Variants in KANK1 observed in about 807,000 individuals in gnomAD.
KANK1 encodes KN motif and ankyrin repeat domain-containing protein 1.
In KANK1, 109 loss-of-function variants were observed where a neutral mutation model predicts 106.2. That is an observed-to-expected ratio of 1.03 (90% CI 0.88 to 1.20). The LOEUF is 1.20. Ranked by LOEUF, KANK1 falls within the 50% of genes most tolerant of loss-of-function variation. The pLI, the probability that KANK1 is intolerant of heterozygous loss-of-function variation, is 0.00. For synonymous variants in KANK1, 873 were observed against 652.2 expected (o/e 1.34, Z -5.16); for missense variants, 2,399 against 1,710.7 (o/e 1.40, Z -7.10).
chr9:560,040 C>G (rs1378561693), intron 1 of KANK1, among the ~76,000 whole-genome samples: 1 of 152,158 alleles, frequency 6.6e-6, no homozygotes, highest in African/African-American at 2.4e-5. Flanking sequence ...TAGTTCAGTG[C>G]CTTTTAAACA....
At chr9:684,439 G>A (rs1563983187) in intron 2 of KANK1, 1 of 985,298 alleles carries the variant, frequency 1.0e-6, no homozygotes. Flanking sequence ...ACCCAACAGG[G>A]AGATTCGCTG....
chr9:710,084 A>C (rs1041545435), intron 2 of KANK1, among the ~76,000 whole-genome samples: 2 of 152,162 alleles, frequency 1.3e-5, no homozygotes, highest in African/African-American at 4.8e-5. Context: ...TGAGGGTTGA[A>C]AAATTACCTA....
In KANK1 at chr9:740,011, A is replaced by C. The variant is rs1352328709; in HGVS notation, c.3554-781A>C. On this transcript the variant is annotated intron_variant, in intron 8 of 11. Transcript: ENST00000382297. ...GGATCTTAAGGTAAATGTTCATGGT[A>C]CCTTTTATTTTCCTTTATGATAGAA... Among the ~76,000 whole-genome samples, 9 of 152,152 alleles carry C rather than the reference A, an allele frequency of 5.9e-5. No homozygotes were observed. The East Asian group carries it at 1.7e-3, about 29-fold the overall frequency.
chr9:715,673 A>G (rs1827494444), intron 3 of KANK1, among the ~76,000 whole-genome samples: 1 of 152,256 alleles, frequency 6.6e-6, no homozygotes, highest in African/African-American at 2.4e-5. Context: ...GAACAAAACA[A>G]TAAATATTTT....
At chr9:486,705 C>G (rs1405143214) in intron 3 of KANK1, among the ~76,000 whole-genome samples, 1 of 152,030 alleles carries the variant, frequency 6.6e-6, no homozygotes, top group East Asian at 1.9e-4. Flanking sequence ...GAGATACTAC[C>G]TTTTTCTGAA....
Position 734,819 on chromosome 9 carries a change from T to G in KANK1, c.3317T>G (p.Leu1106Trp). 2 of 1,612,310 alleles carry G rather than the reference T, an allele frequency of 1.2e-6. No individual in the cohort carries two copies. Among genetic ancestry groups the G allele is most frequent in the Non-Finnish European group, 8.5e-7 (1 of 1,178,288 alleles). The change falls in exon 7 of 12, where the codon TTG becomes TGG. Residue 1106 changes from leucine to tryptophan, a missense_variant. By Grantham distance (61) the Leu-to-Trp change is moderately conservative. Transcript: ENST00000382297. ...LKNTINDPKA[L>W]TSKDMRFCLN... The stretch of plus-strand genomic sequence containing the variant: ...AATACTATAAATGACCCCAAAGCTT[T>G]GACCAGCAAAGATATGGTGAGTCTG...
chr9:724,057 C>T (rs796992067), intron 3 of KANK1, among the ~76,000 whole-genome samples: 10 of 150,298 alleles, frequency 6.7e-5, no homozygotes, highest in African/African-American at 2.2e-4. Flanking sequence ...GCAGAGATCA[C>T]GCCACTGCAC....
intron 9 of KANK1, 36 bp from the exon 10 acceptor site, chr9:742,169 A>C: frequency 6.3e-7 from 1 of 1,592,016 alleles, no homozygotes; most frequent in Non-Finnish European, 8.6e-7. Flanking sequence ...CCAGCTCAGT[A>C]CGTACTTCTG....
At chr9:514,151 T>TCTCC (rs2059163035) in intron 1 of KANK1, among the ~76,000 whole-genome samples, 1 of 28,320 alleles carries the variant, frequency 3.5e-5, no homozygotes, top group Non-Finnish European at 5.4e-5. Flanking sequence ...TCCCTTCCTC[T>TCTCC]CTCCCTCCCT....
chr9:570,925 CTG>C (rs545057021), intron 1 of KANK1, among the ~76,000 whole-genome samples: 3 of 152,224 alleles, frequency 2.0e-5, no homozygotes, highest in South Asian at 4.2e-4. Flanking sequence ...GTGCTGAAAT[CTG>C]TGTGGAATTT....
At chr9:513,369 G>A (rs7047894) in intron 1 of KANK1, among the ~76,000 whole-genome samples, 3,164 of 152,260 alleles carry the variant, frequency 0.021, 113 homozygotes, top group African/African-American at 0.071. Context: ...AAAGCAATCA[G>A]TTAATTGGAA....
intron 3 of KANK1, among the ~76,000 whole-genome samples, chr9:488,106 C>G (rs1483177305): frequency 6.6e-6 from 1 of 152,172 alleles, no homozygotes; most frequent in Non-Finnish European, 1.5e-5. Flanking sequence ...GTCAACATGG[C>G]TACGAACTCC....
At chr9:663,069 A>G (rs1408994312) in intron 1 of KANK1, among the ~76,000 whole-genome samples, 1 of 152,214 alleles carries the variant, frequency 6.6e-6, no homozygotes, top group Non-Finnish European at 1.5e-5. Context: ...CGAGCTTGTC[A>G]TTAACAATAT....
rs551875666 is a variant in KANK1 at position 546,007 on chromosome 9, A to G, written c.-84+41253A>G. 4.7e-4 allele frequency among the ~76,000 whole-genome samples: 72 copies of G among 152,152 alleles called. No individual in the cohort carries two copies. The South Asian group carries it at 0.014, about 29-fold the overall frequency. On this transcript the variant is annotated intron_variant, in intron 1 of 11. Transcript: ENST00000382297. The stretch of plus-strand genomic sequence containing the variant: ...AAGTGATCCACCCGCCTTGGCCTCC[A>G]AAGTGCTGGGATTACAGGTGTGAGC...
At chr9:714,474 C>T (rs985479924) in intron 3 of KANK1, among the ~76,000 whole-genome samples, 10 of 148,886 alleles carry the variant, frequency 6.7e-5, no homozygotes, top group African/African-American at 2.2e-4. Flanking sequence ...ATTCTTGTGT[C>T]TCAACCTCCT....
At chr9:608,263 T>C (rs1276273254) in intron 1 of KANK1, among the ~76,000 whole-genome samples, 1 of 151,034 alleles carries the variant, frequency 6.6e-6, no homozygotes, top group Non-Finnish European at 1.5e-5. Context: ...GGTCTCGATC[T>C]CCTGACCTCA....
At chr9:572,011 G>C (rs577257631) in intron 1 of KANK1, among the ~76,000 whole-genome samples, 2 of 152,032 alleles carry the variant, frequency 1.3e-5, no homozygotes. Context: ...TTTTTCTGCC[G>C]TCCAACTTTG....
rs182798645 is a variant in KANK1 at position 735,625 on chromosome 9, G to A, written c.3333+790G>A. Reference sequence around the variant, plus strand: ...GATACTCAAGTCCCTTATGTAAAATGGTGTAGTATTTGCATATAAACTATG... The same window carrying A: ...GATACTCAAGTCCCTTATGTAAAATAGTGTAGTATTTGCATATAAACTATG... On this transcript the variant is annotated intron_variant, in intron 7 of 11. Coordinates refer to ENST00000382297, the MANE Select transcript of KANK1 (RefSeq NM_015158.5). The A allele has an allele frequency of 5.8e-5, 14 of 239,622 alleles. No homozygotes were observed. The East Asian group carries it at 6.8e-4, about 12-fold the overall frequency. The allele number at this position is 239,622 out of a possible 1,614,324, so 14.8% of individuals were successfully genotyped here.
intron 1 of KANK1, among the ~76,000 whole-genome samples, chr9:584,174 G>A (rs1170888383): frequency 3.3e-5 from 5 of 152,136 alleles, no homozygotes; most frequent in African/African-American, 9.7e-5. Context: ...TTATTGATCA[G>A]TCATTAAAAA....
Sources: allele counts gnomAD v4.1 joint callset (sites outside exome capture counted in the v4.1 genomes callset), GRCh38; gene constraint gnomAD v4.1.1; transcripts MANE v1.5; gene names NCBI Gene and HGNC (gene_info 2026-07-23, HGNC 2026-07-21).